The following NAGPA variants were observed in gnomAD, a reference collection of about 807,000 sequenced individuals.
NAGPA encodes alpha-N-acetylglucosaminyl phosphodiesterase.
Under a neutral mutation model 48.5 loss-of-function variants are expected in NAGPA, and 56 were observed. The observed-to-expected ratio is 1.15, with a 90% CI of 0.93 to 1.44. NAGPA has a LOEUF of 1.44. Among genes scored for constraint, NAGPA ranks in the 40% most tolerant of loss-of-function variants. The pLI is 0.00. For missense variants in NAGPA, 888 were observed against 735.0 expected, an observed-to-expected ratio of 1.21 and a Z score of -2.41; for synonymous variants, 399 against 315.5, an observed-to-expected ratio of 1.26 and a Z score of -2.81.
chr16:5,025,988 G>A (rs1955993493), intron 9 of NAGPA, among the ~76,000 whole-genome samples: 1 of 151,464 alleles, frequency 6.6e-6, no homozygotes, highest in African/African-American at 2.4e-5. Flanking sequence ...GAGTGCAGTG[G>A]CATGATCTCA....
rs974485897 is a variant in NAGPA, at chr16:5,031,802, C to T, written c.625G>A (p.Gly209Arg). 22 of 1,614,026 alleles carry T rather than the reference C, an allele frequency of 1.4e-5. No individual in the cohort carries two copies. Among genetic ancestry groups the T allele is most frequent in the Non-Finnish European group, 1.8e-5 (21 of 1,180,028 alleles). Reference protein sequence around the residue: ...LSGVVWLIRNGSIYINESQAT... With the variant: ...LSGVVWLIRNRSIYINESQAT... ...TGGCTCTCGTTGATGTAGATGCTTCCATTACGAATCAGCCACACGACCCCA... is the reference window on the plus strand; with the variant it reads ...TGGCTCTCGTTGATGTAGATGCTTCTATTACGAATCAGCCACACGACCCCA... The change falls in exon 3 of 10, where the codon GGA (glycine) becomes AGA (arginine). Residue 209 changes from glycine (G) to arginine (R), a missense_variant. Coordinates refer to ENST00000312251, the MANE Select transcript of NAGPA (RefSeq NM_016256.4).
Position 5,025,511 on chromosome 16 carries a change from C to G in NAGPA, c.1515G>C (p.Gln505His), listed in dbSNP as rs765970629. 6.2e-7 allele frequency: 1 copy of G among 1,612,640 alleles called. No homozygotes were observed. Among genetic ancestry groups the G allele is most frequent in the Admixed American group, 1.7e-5 (1 of 60,032 alleles). ...TGAAGGGGTTGTGGGCGCCCCCTGGCTGCTCCTTCTCTGCGGCCAGAGGCT... is the reference window on the plus strand; with the variant it reads ...TGAAGGGGTTGTGGGCGCCCCCTGGGTGCTCCTTCTCTGCGGCCAGAGGCT... Reference protein sequence around the residue: ...NGEPLAAEKEQPGGAHNPFKD With the variant: ...NGEPLAAEKEHPGGAHNPFKD The change falls in exon 10 of 10, where the codon CAG becomes CAC. Residue 505 changes from glutamine to histidine, a missense_variant. Gln to His is a conservative substitution (Grantham distance 24). Transcript: ENST00000312251.
Position 5,031,813 on chromosome 16 carries a change from A to T in NAGPA, c.614T>A (p.Leu205Gln), listed in dbSNP as rs1462128562. 6.2e-7 allele frequency: 1 copy of T among 1,613,978 alleles called. No individual in the cohort carries two copies. Among genetic ancestry groups the T allele is most frequent in the African/African-American group, 1.3e-5 (1 of 74,884 alleles). Residue 205 changes from leucine to glutamine, a missense_variant, in exon 3 of 10, where the codon CTG (leucine) becomes CAG (glutamine). Physicochemically the swap from Leu to Gln is moderately radical, Grantham distance 113. Transcript: ENST00000312251. ...FVQLLSGVVW[L>Q]IRNGSIYINE... is the part of the protein sequence containing the mutation. ...GATGTAGATGCTTCCATTACGAATC[A>T]GCCACACGACCCCACTCAGCAGCTG...
Position 5,030,522 on chromosome 16 carries a change from C to T in NAGPA, c.683-29G>A, listed in dbSNP as rs2102065. 0.31 allele frequency: 477,144 copies of T among 1,531,390 alleles called. 79,441 individuals carry two copies. The highest frequency in any genetic ancestry group is 0.34 in the Non-Finnish European group (382,155 of 1,128,820). 94.9% of individuals were successfully genotyped at this position (1,531,390 alleles called of 1,614,324 possible). A position where few individuals can be genotyped will look rare whatever the true frequency, so the allele number is the denominator to read the frequency against. On this transcript the variant is annotated intron_variant, in intron 3 of 9. Coordinates refer to ENST00000312251, the MANE Select transcript of NAGPA (RefSeq NM_016256.4). ...AAGGAAAAGCAGCCTGGCTGATCACCGCCCCTTGGGAGGCCTCCTGCTTCT... is the reference window on the plus strand; with the variant it reads ...AAGGAAAAGCAGCCTGGCTGATCACTGCCCCTTGGGAGGCCTCCTGCTTCT...
At chr16:5,028,702 A>C in intron 5 of NAGPA, 178 bp downstream of exon 5, 1 of 939,724 alleles carries the variant, frequency 1.1e-6, no homozygotes, top group Non-Finnish European at 1.7e-6. Context: ...TTGCTGACCA[A>C]CTGACCCTGC....
At position 5,027,995 on chromosome 16, in the gene NAGPA, C is replaced by T. The variant is rs764722220; in HGVS notation, c.1111G>A (p.Gly371Arg). Residue 371 changes from glycine to arginine, a missense_variant, in exon 6 of 10, where the codon GGA (glycine) becomes AGA (arginine). Coordinates refer to ENST00000312251, the MANE Select transcript of NAGPA (RefSeq NM_016256.4). Reference sequence around the variant, plus strand: ...CCCCACTCACTCTCCGTGCACAGTCCGTGCTGGCTGCAGTTAGAGGGGCCA... The same window carrying T: ...CCCCACTCACTCTCCGTGCACAGTCTGTGCTGGCTGCAGTTAGAGGGGCCA... ...DCGPSNCSQH[G>R]LCTETGCRCD... 2.3e-5 allele frequency: 37 copies of T among 1,613,700 alleles called. No homozygotes were observed. The highest frequency in any genetic ancestry group is 3.3e-5 in the South Asian group (3 of 91,076).
intron 3 of NAGPA, chr16:5,030,709 G>C: frequency 1.6e-6 from 1 of 615,156 alleles, no homozygotes; most frequent in Admixed American, 2.6e-5. Context: ...CCAGCCTCCA[G>C]GTGAAGACCC....
intron 9 of NAGPA, among the ~76,000 whole-genome samples, chr16:5,025,890 A>G (rs1318077381): frequency 6.6e-6 from 1 of 151,818 alleles, no homozygotes; most frequent in Non-Finnish European, 1.5e-5. Context: ...AGAGGCAGTC[A>G]TGACGTACAA....
rs907705214 is a variant in NAGPA at position 5,033,671 on chromosome 16, G to A, written c.144C>T (p.Pro48=). ...LPYPRARARL[P]RDCTRVRAGN... is the part of the protein sequence containing the mutation. ...CGGCGCGCACCCGTGTGCAGTCCCGGGGGAGGCGCGCGCGCGCGCGTGGAT... is the reference window on the plus strand; with the variant it reads ...CGGCGCGCACCCGTGTGCAGTCCCGAGGGAGGCGCGCGCGCGCGCGTGGAT... The change falls in exon 2 of 10, where the codon CCC becomes CCT. Residue 48 remains proline, a synonymous_variant. Coordinates refer to ENST00000312251, the MANE Select transcript of NAGPA (RefSeq NM_016256.4). The surrounding 1 kb of genome is among the most constrained non-coding windows in gnomAD (Gnocchi z 4.2). 2.5e-6 allele frequency: 4 copies of A among 1,594,276 alleles called. No individual in the cohort carries two copies. Among genetic ancestry groups the A allele is most frequent in the Non-Finnish European group, 2.6e-6 (3 of 1,175,190 alleles).
In NAGPA at chr16:5,033,681, G is replaced by A. The variant is rs769417523; in HGVS notation, c.134C>T (p.Ala45Val). Residue 45 changes from alanine to valine, a missense_variant, in exon 2 of 10, where the codon GCG (alanine) becomes GTG (valine). Physicochemically the swap from Ala to Val is moderately conservative, Grantham distance 64. Coordinates refer to ENST00000312251, the MANE Select transcript of NAGPA (RefSeq NM_016256.4). The surrounding 1 kb of genome is among the most constrained non-coding windows in gnomAD (Gnocchi z 4.2). ...DLLLPYPRARARLPRDCTRVR... is the reference protein window; with the variant it reads ...DLLLPYPRARVRLPRDCTRVR... Reference sequence around the variant, plus strand: ...CCGTGTGCAGTCCCGGGGGAGGCGCGCGCGCGCGCGTGGATAGGGCAGTAG... The same window carrying A: ...CCGTGTGCAGTCCCGGGGGAGGCGCACGCGCGCGCGTGGATAGGGCAGTAG... 3 of 1,594,656 alleles carry A rather than the reference G, an allele frequency of 1.9e-6. No homozygotes were observed. The highest frequency in any genetic ancestry group is 2.2e-5 in the South Asian group (2 of 90,338).
intron 3 of NAGPA, 38 bp downstream of exon 3, chr16:5,031,707 T>C (rs781110656): frequency 6.2e-7 from 1 of 1,613,776 alleles, no homozygotes; most frequent in Non-Finnish European, 8.5e-7. Flanking sequence ...TGGTCCTGGT[T>C]CTCGAGAGGG....
At chr16:5,032,702 T>C (rs577367908) in intron 2 of NAGPA, among the ~76,000 whole-genome samples, 1 of 152,012 alleles carries the variant, frequency 6.6e-6, no homozygotes, top group East Asian at 1.9e-4. Flanking sequence ...TCATCAGTCT[T>C]GATGAGTTGA....
Position 5,025,584 on chromosome 16 carries a change from C to T in NAGPA, c.1442G>A (p.Arg481His), listed in dbSNP as rs200811972. The change falls in exon 10 of 10, where the codon CGC becomes CAC. Residue 481 changes from arginine (R) to histidine (H), a missense_variant. By Grantham distance (29) the Arg-to-His change is conservative. Transcript: ENST00000312251. ...GTGGTATGCATAGTCCCCATGCAGG[C>T]GCCGGTTCCTCTCTGCTCTGGACAG... The part of the protein sequence containing the change: ...LLLSRAERNR[R>H]LHGDYAYHPL... 29 of 1,613,780 alleles carry T rather than the reference C, an allele frequency of 1.8e-5. No individual in the cohort carries two copies. Among genetic ancestry groups the T allele is most frequent in the Non-Finnish European group, 2.1e-5 (25 of 1,180,050 alleles).
In NAGPA at chr16:5,028,987, C is replaced by G; in HGVS notation, c.813G>C (p.Ala271=). The G allele has an allele frequency of 1.2e-6, 2 of 1,613,726 alleles. No homozygotes were observed. Among genetic ancestry groups the G allele is most frequent in the Non-Finnish European group, 8.5e-7 (1 of 1,180,036 alleles). The change falls in exon 5 of 10, where the codon GCG becomes GCC. Residue 271 remains alanine, a synonymous_variant. Transcript: ENST00000312251. The part of the protein sequence containing the change: ...EQRGINLWEM[A]EFLLKQDVVN... ...CCACGTCCTGTTTCAGCAGGAACTC[C>G]GCCATTTCCCACAGGTTGATGCTGC...
chr16:5,029,700 G>A lies in NAGPA; in HGVS notation c.791+685C>T, dbSNP rs141514610. The A allele has an allele frequency of 2.8e-3, 442 of 159,846 alleles. 2 individuals carry two copies. The highest frequency in any genetic ancestry group is 3.5e-3 in the Non-Finnish European group (258 of 72,710). 9.9% of individuals were successfully genotyped at this position (159,846 alleles called of 1,614,324 possible). A position where few individuals can be genotyped will look rare whatever the true frequency, so the allele number is the denominator to read the frequency against. Reference sequence around the variant, plus strand: ...GCACTTTGGAAGGCCGAGGTAGATGGATCACCTGAGGTCAGGAGTTCGAGA... The same window carrying A: ...GCACTTTGGAAGGCCGAGGTAGATGAATCACCTGAGGTCAGGAGTTCGAGA... On this transcript the variant is annotated intron_variant, in intron 4 of 9. Coordinates refer to ENST00000312251, the MANE Select transcript of NAGPA (RefSeq NM_016256.4).
At chr16:5,028,758 A>G (rs1409435728) in intron 5 of NAGPA, 122 bp downstream of exon 5, 2 of 1,510,802 alleles carry the variant, frequency 1.3e-6, no homozygotes, top group Non-Finnish European at 1.8e-6. Context: ...GGACTGCAGC[A>G]ATTTCTGCTC....
intron 5 of NAGPA, 157 bp from the exon 6 acceptor site, chr16:5,028,342 C>A: frequency 7.1e-7 from 1 of 1,402,626 alleles, no homozygotes; most frequent in Non-Finnish European, 9.8e-7. Context: ...TATTGCGATC[C>A]TTCCACCCGA....
chr16:5,031,104 A>AT (rs879272941), intron 3 of NAGPA: 1,247 of 152,830 alleles, frequency 8.2e-3, no homozygotes, highest in South Asian at 0.024. Flanking sequence ...TAATTTTTGT[A>AT]TTTTTTTTTT....
At position 5,028,864 on chromosome 16, in the gene NAGPA, G is replaced by C. The variant is rs373629495; in HGVS notation, c.920+16C>G. 2.5e-6 allele frequency: 4 copies of C among 1,613,738 alleles called. No homozygotes were observed. The African/African-American group carries it at 4.0e-5, about 16-fold the overall frequency. ...CTGGACTTCAGCCCTCACGAAGGCG[G>C]CTCTCACGTGCTTACCAGTGATCTG... On this transcript the variant is annotated intron_variant, in intron 5 of 9. Coordinates refer to ENST00000312251, the MANE Select transcript of NAGPA (RefSeq NM_016256.4).
Sources: gnomAD v4.1 joint callset for allele counts (sites outside exome capture counted in the v4.1 genomes callset) on GRCh38, gnomAD v4.1.1 for gene constraint, Gnocchi (gnomAD v3.1) non-coding constraint, MANE v1.5 for transcripts, NCBI Gene and HGNC (gene_info 2026-07-23, HGNC 2026-07-21) for gene names.